Variants in NR5A2 observed in about 807,000 individuals in gnomAD.
NR5A2 encodes nuclear receptor subfamily 5 group A member 2, also known as CYP7A promoter-binding factor.
In NR5A2, 26 loss-of-function variants were observed where a neutral mutation model predicts 62.7. The observed-to-expected ratio is 0.41, with a 90% confidence interval of 0.30 to 0.58. NR5A2 has a LOEUF of 0.58. NR5A2 is among the 20% of genes least tolerant of loss of function. The pLI is 0.22. For synonymous variants in NR5A2, 246 were observed against 241.7 expected, an observed-to-expected ratio of 1.02 and a Z score of -0.16; for missense variants, 541 against 669.1, an observed-to-expected ratio of 0.81 and a Z score of 2.11.
chr1:200,088,808 A>G (rs1374786547), intron 5 of NR5A2, among the ~76,000 whole-genome samples: 3 of 152,288 alleles, frequency 2.0e-5, no homozygotes, highest in East Asian at 1.9e-4. Context: ...GCACTTCTCC[A>G]TGGGAAATGC....
At chr1:200,057,588 C>A (rs1236715783) in intron 5 of NR5A2, 3 of 340,490 alleles carry the variant, frequency 8.8e-6, no homozygotes, top group East Asian at 1.3e-4. Context: ...AAGTGATTCG[C>A]CTGCCTCAGC....
At chr1:200,058,042 C>T (rs1010792180) in intron 5 of NR5A2, 1 of 152,372 alleles carries the variant, frequency 6.6e-6, no homozygotes, top group African/African-American at 2.4e-5. Flanking sequence ...AGATGATCCA[C>T]CCGCCTTGGC....
At chr1:200,120,323 A>C (rs1338170525) in intron 6 of NR5A2, among the ~76,000 whole-genome samples, 1 of 152,208 alleles carries the variant, frequency 6.6e-6, no homozygotes, top group Admixed American at 6.5e-5. Context: ...TTCACTTTTC[A>C]TGGACAGTAT....
rs1034556613 is a variant in NR5A2, at chr1:200,039,225, C to A, written c.65-433C>A. Among the ~76,000 whole-genome samples the A allele has an allele frequency of 6.6e-6, 1 of 152,008 alleles. No homozygotes were observed. The highest frequency in any genetic ancestry group is 1.5e-5 in the Non-Finnish European group (1 of 67,990). ...AGAGAAAGAGGAGAGAGACCCCTGC[C>A]GATCCTGAGCCAGAGGGCGGTGGAG... On this transcript the variant is annotated intron_variant, in intron 1 of 7. Transcript: ENST00000367362. The surrounding 1 kb of genome is among the most constrained non-coding windows in gnomAD (Gnocchi z 5.1).
intron 5 of NR5A2, among the ~76,000 whole-genome samples, chr1:200,073,527 A>G (rs775912356): frequency 1.3e-5 from 2 of 151,874 alleles, no homozygotes; most frequent in Admixed American, 6.6e-5. Flanking sequence ...CTAAGAGAGT[A>G]TAAGTAGTTG....
intron 7 of NR5A2, among the ~76,000 whole-genome samples, chr1:200,152,030 A>G (rs1653152962): frequency 6.6e-6 from 1 of 152,246 alleles, no homozygotes; most frequent in Admixed American, 6.5e-5. Flanking sequence ...AAGACTTAGG[A>G]TTTTAAAGCA....
In NR5A2 at chr1:200,139,466, T is replaced by C. The variant is rs548475810; in HGVS notation, c.1378+18511T>C. ...ATCATTCTAAAGTCAAATGACTTGA[T>C]ATGAAAAGTGTTGTCTATTTTAGTA... is the stretch of plus-strand genomic sequence containing the variant. On this transcript the variant is annotated intron_variant, in intron 7 of 7. Transcript: ENST00000367362. Among the ~76,000 whole-genome samples, 53 of 152,362 alleles carry C rather than the reference T, an allele frequency of 3.5e-4. 1 individual carries two copies. The South Asian group carries it at 3.7e-3, about 11-fold the overall frequency.
chr1:200,147,758 C>A lies in NR5A2; in HGVS notation c.1379-26205C>A. ...ACGTCCACGGTGAAGACGCGGATGC[C>A]GGCGCGAATGCCGGCACGGATGCCG... On this transcript the variant is annotated intron_variant, in intron 7 of 7. Coordinates refer to ENST00000367362, the MANE Select transcript of NR5A2 (RefSeq NM_205860.3). This position sits in a 1 kb window ranked among gnomAD's most constrained non-coding sequence, Gnocchi z 4.9. The A allele has an allele frequency of 1.9e-6, 1 of 518,218 alleles. No homozygotes were observed. The highest frequency in any genetic ancestry group is 3.6e-6 in the Non-Finnish European group (1 of 275,268). 32.1% of individuals were successfully genotyped at this position (518,218 alleles called of 1,614,324 possible). A position where few individuals can be genotyped will look rare whatever the true frequency, so the allele number is the denominator to read the frequency against.
chr1:200,072,286 T>G (rs767551017), intron 5 of NR5A2, among the ~76,000 whole-genome samples: 4 of 152,184 alleles, frequency 2.6e-5, no homozygotes, highest in Non-Finnish European at 4.4e-5. Flanking sequence ...TTTTAATTAT[T>G]ATATATTCTA....
rs150001790 is a variant in NR5A2 at position 200,140,788 on chromosome 1, T to A, written c.1378+19833T>A. 0.02 allele frequency among the ~76,000 whole-genome samples: 3,109 copies of A among 152,306 alleles called. 217 individuals are homozygous for A. In the East Asian group the frequency reaches 0.25, roughly 12 times the overall value. ...GCTAACGCCTATAATCCCAGCACTT[T>A]GGGAGGCCAAGGTGCATGGATCACC... On this transcript the variant is annotated intron_variant, in intron 7 of 7. Coordinates refer to ENST00000367362, the MANE Select transcript of NR5A2 (RefSeq NM_205860.3).
chr1:200,135,521 C>CA (rs565158746), intron 7 of NR5A2, among the ~76,000 whole-genome samples: 5,521 of 103,118 alleles, frequency 0.054, 241 homozygotes, highest in African/African-American at 0.14. Context: ...ACTTCATCTC[C>CA]AAAAAAAAAA....
At chr1:200,113,691 CAAATT>C (rs1345118227) in intron 6 of NR5A2, among the ~76,000 whole-genome samples, 2 of 152,110 alleles carry the variant, frequency 1.3e-5, no homozygotes, top group South Asian at 2.1e-4. Context: ...TTGATTAAAA[CAAATT>C]AAGTATAATT....
In NR5A2 at chr1:200,105,564, A is replaced by G. The variant is rs1263793201; in HGVS notation, c.1111-5638A>G. On this transcript the variant is annotated intron_variant, in intron 5 of 7. Transcript: ENST00000367362. ...TTTCTAACACAAGACCTGACACACCAAAATTAACGATCAGAAATAAGAAAT... is the reference window on the plus strand; with the variant it reads ...TTTCTAACACAAGACCTGACACACCGAAATTAACGATCAGAAATAAGAAAT... Among the ~76,000 whole-genome samples, 3 of 152,226 alleles carry G rather than the reference A, an allele frequency of 2.0e-5. No homozygotes were observed. The East Asian group carries it at 5.8e-4, about 29-fold the overall frequency.
chr1:200,168,210 C>CT (rs1164744059), intron 7 of NR5A2, among the ~76,000 whole-genome samples: 18,405 of 141,112 alleles, frequency 0.13, 1,595 homozygotes, highest in African/African-American at 0.25. Flanking sequence ...TTTATATCTA[C>CT]TTTTTTTTTT....
intron 7 of NR5A2, among the ~76,000 whole-genome samples, chr1:200,133,978 T>C (rs967678131): frequency 6.6e-6 from 1 of 151,812 alleles, no homozygotes; most frequent in Non-Finnish European, 1.5e-5. Flanking sequence ...GTTTGTGTCT[T>C]CATCTTTAAC....
chr1:200,111,202 G>A lies in NR5A2; in HGVS notation c.1111G>A (p.Val371Ile). Residue 371 changes from valine (V) to isoleucine (I), a missense_variant and splice_region_variant, in exon 6 of 8, where the codon GTT (valine) becomes ATT (isoleucine). Val to Ile is a conservative substitution (Grantham distance 29). Coordinates refer to ENST00000367362, the MANE Select transcript of NR5A2 (RefSeq NM_205860.3). ...RSSIFFRELK[V>I]DDQMKLLQNC... The stretch of plus-strand genomic sequence containing the variant: ...TTGTTTGTTTCTATTTCTTTTGCAG[G>A]TTGATGACCAAATGAAGCTGCTTCA... 1.2e-6 allele frequency: 2 copies of A among 1,608,316 alleles called. No individual in the cohort carries two copies. The highest frequency in any genetic ancestry group is 1.7e-5 in the Admixed American group (1 of 58,986).
intron 5 of NR5A2, among the ~76,000 whole-genome samples, chr1:200,102,327 C>T (rs929050499): frequency 6.6e-6 from 1 of 152,190 alleles, no homozygotes; most frequent in African/African-American, 2.4e-5. Flanking sequence ...TGTGAATGCT[C>T]ACTGTTGGAC....
intron 1 of NR5A2, among the ~76,000 whole-genome samples, chr1:200,034,694 CT>C (rs1661690070): frequency 6.7e-6 from 1 of 149,640 alleles, no homozygotes. Flanking sequence ...GATCGAGATA[CT>C]CTCATAGTGA....
intron 2 of NR5A2, among the ~76,000 whole-genome samples, chr1:200,040,389 G>C (rs1662008079): frequency 1.3e-5 from 2 of 152,188 alleles, no homozygotes; most frequent in Non-Finnish European, 2.9e-5. Flanking sequence ...TCCCCTGTAC[G>C]CGTAGTGCTG....
Sources: allele counts gnomAD v4.1 joint callset (sites outside exome capture counted in the v4.1 genomes callset), GRCh38; gene constraint gnomAD v4.1.1; non-coding constraint Gnocchi (gnomAD v3.1); transcripts MANE v1.5; gene names NCBI Gene and HGNC (gene_info 2026-07-23, HGNC 2026-07-21).